Variants in TTF1 observed in about 807,000 individuals in gnomAD.
The protein encoded by TTF1 is transcription termination factor 1, also known as transcription termination factor, RNA polymerase I.
In TTF1, 64 loss-of-function variants were observed where a neutral mutation model predicts 80.2. That is an observed-to-expected ratio of 0.80 (90% CI 0.65 to 0.98). TTF1 has a LOEUF of 0.98. Among genes scored for constraint, TTF1 ranks in the 50% least tolerant of loss-of-function variants. The pLI is 0.00. For missense variants in TTF1, 1,023 were observed against 1,086.2 expected (o/e 0.94, Z 0.82); for synonymous variants, 372 against 382.7 (o/e 0.97, Z 0.33).
chr9:132,400,150 AC>A lies in TTF1; in HGVS notation c.1475del (p.Gly492ValfsTer4), dbSNP rs1849734139. 1 of 1,614,020 alleles carries A rather than the reference AC, an allele frequency of 6.2e-7. No individual in the cohort carries two copies. Among genetic ancestry groups the A allele is most frequent in the African/African-American group, 1.3e-5 (1 of 74,888 alleles). ...ACTCCTGAAGCTGTTTCACGGCAGAACCCAAATCCGCATCTGAATCATCGGC... is the reference window on the plus strand; with the variant it reads ...ACTCCTGAAGCTGTTTCACGGCAGAACCAAATCCGCATCTGAATCATCGGC... Reference protein sequence around the residue: ...GDADDSDADLGSAVKQLQEFI... With the variant: ...GDADDSDADLXSAVKQLQEFI... On this transcript the variant is annotated frameshift_variant, in exon 3 of 11. Coordinates refer to ENST00000334270, the MANE Select transcript of TTF1 (RefSeq NM_007344.4). LOFTEE classifies it high-confidence loss of function.
In TTF1 at chr9:132,381,767, G is replaced by C. The variant is rs138198381; in HGVS notation, c.2379-2623C>G. On this transcript the variant is annotated intron_variant, in intron 9 of 10. Coordinates refer to ENST00000334270, the MANE Select transcript of TTF1 (RefSeq NM_007344.4). ...TCTCCACATTCAAGAAGGAAGAGAC[G>C]GATTGTCCTTTCTTGTTTGGTTATA... is the stretch of plus-strand genomic sequence containing the variant. 8.0e-3 allele frequency among the ~76,000 whole-genome samples: 1,219 copies of C among 152,230 alleles called. 14 individuals are homozygous for C. The highest frequency in any genetic ancestry group is 0.028 in the African/African-American group (1,148 of 41,530).
intron 8 of TTF1, among the ~76,000 whole-genome samples, chr9:132,387,424 A>C (rs1849488315): frequency 6.6e-6 from 1 of 151,908 alleles, no homozygotes; most frequent in Non-Finnish European, 1.5e-5. Flanking sequence ...TGGATCTGGT[A>C]ATCTATGCTG....
intron 4 of TTF1, 64 bp from the exon 5 acceptor site, chr9:132,396,575 A>AC: frequency 7.3e-7 from 1 of 1,360,870 alleles, no homozygotes; most frequent in Admixed American, 1.7e-5. Flanking sequence ...TGTAAAAGGA[A>AC]CCCAGAACAG....
chr9:132,404,090 T>C (rs573970975), intron 1 of TTF1, among the ~76,000 whole-genome samples: 1 of 152,368 alleles, frequency 6.6e-6, no homozygotes, highest in Non-Finnish European at 1.5e-5. Flanking sequence ...TTTTTTTAGA[T>C]TTATCTTTGG....
At chr9:132,406,452 A>G (rs1849869023) in intron 1 of TTF1, among the ~76,000 whole-genome samples, 1 of 152,094 alleles carries the variant, frequency 6.6e-6, no homozygotes, top group Non-Finnish European at 1.5e-5. Flanking sequence ...AAATACAAAA[A>G]TTAGCTAGGC....
chr9:132,404,056 G>C (rs1311596961), intron 1 of TTF1, among the ~76,000 whole-genome samples: 1 of 152,144 alleles, frequency 6.6e-6, no homozygotes, highest in African/African-American at 2.4e-5. Flanking sequence ...TGTTCTCTTT[G>C]CTCTGTATTG....
chr9:132,383,669 C>T (rs1215574938), intron 9 of TTF1, among the ~76,000 whole-genome samples: 1 of 152,120 alleles, frequency 6.6e-6, no homozygotes, highest in East Asian at 1.9e-4. Flanking sequence ...TCTTCGGTGG[C>T]AGGTGGGCTG....
At position 132,390,586 on chromosome 9, in the gene TTF1, G is replaced by A. The variant is rs368945168; in HGVS notation, c.2222+11C>T. The A allele has an allele frequency of 1.7e-5, 27 of 1,611,522 alleles. No individual in the cohort carries two copies. In the East Asian group the frequency reaches 4.2e-4, roughly 25 times the overall value. On this transcript the variant is annotated intron_variant, in intron 7 of 10. Coordinates refer to ENST00000334270, the MANE Select transcript of TTF1 (RefSeq NM_007344.4). ...CTGGAGAGACAGAGAAAGAGAGAGG[G>A]AAGAACTTACCACTTACTTTTACAC...
intron 9 of TTF1, among the ~76,000 whole-genome samples, chr9:132,382,346 C>G (rs1181625201): frequency 6.6e-6 from 1 of 152,130 alleles, no homozygotes; most frequent in African/African-American, 2.4e-5. Flanking sequence ...CCATTTCTTA[C>G]CACCAAAGGA....
chr9:132,389,690 A>G (rs555405), intron 7 of TTF1, among the ~76,000 whole-genome samples: 142,298 of 152,252 alleles, frequency 0.93, 67,291 homozygotes, highest in East Asian at 1. Flanking sequence ...TGTGCAAGGT[A>G]GGGGGGTCAT....
intron 1 of TTF1, among the ~76,000 whole-genome samples, chr9:132,404,305 C>T (rs1392513477): frequency 1.3e-5 from 2 of 152,114 alleles, no homozygotes; most frequent in South Asian, 2.1e-4. Flanking sequence ...CTAATTTATC[C>T]GGGGTAGTAA....
Position 132,402,358 on chromosome 9 carries a change from T to G in TTF1, c.464A>C (p.Lys155Thr). 1 of 1,614,192 alleles carries G rather than the reference T, an allele frequency of 6.2e-7. No homozygotes were observed. The highest frequency in any genetic ancestry group is 8.5e-7 in the Non-Finnish European group (1 of 1,180,036). ...FQVLAKSHAH[K>T]SEALHSKVRE... ...AACTTTACTGTGCAGGGCTTCTGAT[T>G]TATGTGCATGTGACTTAGCAAGTAC... Residue 155 changes from lysine (K) to threonine (T), a missense_variant, in exon 2 of 11, where the codon AAA becomes ACA. Transcript: ENST00000334270.
At chr9:132,391,720 G>A (rs1263256710) in intron 6 of TTF1, among the ~76,000 whole-genome samples, 2 of 152,170 alleles carry the variant, frequency 1.3e-5, no homozygotes, top group Admixed American at 6.5e-5. Context: ...CCCGCCTGAC[G>A]GGCACGAACT....
chr9:132,399,130 C>T (rs1040432415), intron 3 of TTF1, among the ~76,000 whole-genome samples: 8 of 144,654 alleles, frequency 5.5e-5, no homozygotes, highest in Admixed American at 1.4e-4. Flanking sequence ...ACCCAGGAGG[C>T]GTAGGTTGCA....
At chr9:132,377,799 T>C (rs1331585116) in intron 10 of TTF1, among the ~76,000 whole-genome samples, 2 of 136,130 alleles carry the variant, frequency 1.5e-5, no homozygotes, top group African/African-American at 5.6e-5. Context: ...GTGGTGTGTG[T>C]GCATGTGGTG....
At position 132,379,145 on chromosome 9, in the gene TTF1, CT is replaced by C; in HGVS notation, c.2379-2del. On this transcript the variant is annotated splice_acceptor_variant, in intron 9 of 10. Transcript: ENST00000334270. LOFTEE classifies it high-confidence loss of function. ...TTGAACGTAAGATGGAGGAACATCA[CT>C]TTAGAAAAGGAAAGAAAAGATAAAA... The C allele has an allele frequency of 6.2e-7, 1 of 1,600,978 alleles. No individual in the cohort carries two copies.
In TTF1 at chr9:132,402,367, T is replaced by C. The variant is rs539794489; in HGVS notation, c.455A>G (p.His152Arg). ...TDKFQVLAKS[H>R]AHKSEALHSK... ...GTGCAGGGCTTCTGATTTATGTGCA[T>C]GTGACTTAGCAAGTACCTGAAATTT... Residue 152 changes from histidine to arginine, a missense_variant, in exon 2 of 11, where the codon CAT becomes CGT. Physicochemically the swap from His to Arg is conservative, Grantham distance 29. Transcript: ENST00000334270. The C allele has an allele frequency of 7.2e-5, 117 of 1,614,218 alleles. 3 individuals are homozygous for C. In the South Asian group the frequency reaches 9.8e-4, roughly 13 times the overall value.
intron 10 of TTF1, among the ~76,000 whole-genome samples, chr9:132,377,036 A>G (rs1589812740): frequency 6.6e-6 from 1 of 152,212 alleles, no homozygotes; most frequent in South Asian, 2.1e-4. Flanking sequence ...TGGGACTTAC[A>G]TATCTAAACC....
At chr9:132,399,102 G>A (rs538913520) in intron 3 of TTF1, among the ~76,000 whole-genome samples, 63 of 151,648 alleles carry the variant, frequency 4.2e-4, no homozygotes, top group Admixed American at 1.6e-3. Flanking sequence ...GGGAGGCTGA[G>A]GTGGGAGAAC....
Sources: gnomAD v4.1 joint callset for allele counts (sites outside exome capture counted in the v4.1 genomes callset) on GRCh38, gnomAD v4.1.1 for gene constraint, MANE v1.5 for transcripts, NCBI Gene and HGNC (gene_info 2026-07-23, HGNC 2026-07-21) for gene names.